Variants in DACH1 observed in about 807,000 individuals in gnomAD.
The protein encoded by DACH1 is dachshund family transcription factor 1.
Under a neutral mutation model 54.2 loss-of-function variants are expected in DACH1, and 12 were observed. That is an observed-to-expected ratio of 0.22 (90% CI 0.14 to 0.36). The LOEUF (loss-of-function observed/expected upper bound fraction) is 0.36, where lower values mean the gene tolerates loss of function less well. Among genes scored for constraint, DACH1 ranks in the 10% least tolerant of loss-of-function variants. The pLI, the probability that DACH1 is intolerant of heterozygous loss-of-function variation, is 1.00. For missense variants in DACH1, 805 were observed against 929.8 expected (o/e 0.87, Z 1.75); for synonymous variants, 386 against 366.2 (o/e 1.05, Z -0.62).
intron 3 of DACH1, among the ~76,000 whole-genome samples, chr13:71,628,798 C>A (rs922481338): frequency 2.0e-5 from 3 of 151,962 alleles, no homozygotes; most frequent in Admixed American, 2.0e-4. Context: ...TAATTATGAA[C>A]CATGTTCTCT....
intron 1 of DACH1, among the ~76,000 whole-genome samples, chr13:71,760,625 C>A (rs1885365844): frequency 6.6e-6 from 1 of 152,192 alleles, no homozygotes; most frequent in Non-Finnish European, 1.5e-5. Context: ...AAGGAAAGGA[C>A]ACAGCCTTGT....
At chr13:71,505,715 T>C (rs1029936114) in intron 6 of DACH1, among the ~76,000 whole-genome samples, 1 of 152,192 alleles carries the variant, frequency 6.6e-6, no homozygotes, top group African/African-American at 2.4e-5. Flanking sequence ...ATAAGTTATC[T>C]TTCATTACTT....
At chr13:71,490,000 A>G (rs1278600831) in intron 6 of DACH1, among the ~76,000 whole-genome samples, 1 of 152,080 alleles carries the variant, frequency 6.6e-6, no homozygotes, top group Admixed American at 6.6e-5. Flanking sequence ...TTATTGTTTA[A>G]CCATTTTTAC....
intron 1 of DACH1, among the ~76,000 whole-genome samples, chr13:71,856,780 T>C (rs990665838): frequency 2.0e-5 from 3 of 151,904 alleles, no homozygotes; most frequent in African/African-American, 7.2e-5. Context: ...AGAAAGTAAT[T>C]GATTTCAATT....
intron 3 of DACH1, among the ~76,000 whole-genome samples, chr13:71,605,835 G>A (rs935302934): frequency 4.6e-5 from 7 of 151,840 alleles, no homozygotes; most frequent in South Asian, 2.1e-4. Flanking sequence ...TTCTCACCCC[G>A]TGTAATTGAA....
At chr13:71,741,919 A>G (rs746258792) in intron 1 of DACH1, among the ~76,000 whole-genome samples, 8 of 152,264 alleles carry the variant, frequency 5.3e-5, no homozygotes, top group Non-Finnish European at 7.4e-5. Flanking sequence ...AAAAAGAGAG[A>G]TAATACAGAC....
intron 1 of DACH1, among the ~76,000 whole-genome samples, chr13:71,767,433 T>C (rs1885684576): frequency 6.6e-6 from 1 of 152,048 alleles, no homozygotes; most frequent in Admixed American, 6.6e-5. Flanking sequence ...CATGGTGAAT[T>C]GCTTTGGGGA....
At position 71,616,445 on chromosome 13, in the gene DACH1, T is replaced by C. The variant is rs991260435; in HGVS notation, c.1126+14111A>G. Among the ~76,000 whole-genome samples, 8 of 152,316 alleles carry C rather than the reference T, an allele frequency of 5.3e-5. No individual in the cohort carries two copies. The South Asian group carries it at 6.2e-4, about 12-fold the overall frequency. Reference sequence around the variant, plus strand: ...GCAGGAGTTTTTGCTTATTTTGTTTTTCTCTAAATGAGAAAAGAAGATCAG... The same window carrying C: ...GCAGGAGTTTTTGCTTATTTTGTTTCTCTCTAAATGAGAAAAGAAGATCAG... On this transcript the variant is annotated intron_variant, in intron 3 of 10. Transcript: ENST00000613252.
In DACH1 at chr13:71,528,497, G is replaced by A. The variant is rs1269807995; in HGVS notation, c.1570+28527C>T. ...GGCTGGAGTGCAGTGGCGTGATTTC[G>A]GCTCACTTCAAGCTCCGCCTCCCGG... On this transcript the variant is annotated intron_variant, in intron 6 of 10. Transcript: ENST00000613252. 9.7e-5 allele frequency among the ~76,000 whole-genome samples: 13 copies of A among 133,354 alleles called. No homozygotes were observed. In the East Asian group the frequency reaches 2.7e-3, roughly 27 times the overall value. 87.5% of individuals were successfully genotyped at this position (133,354 alleles called of 152,430 possible). A position where few individuals can be genotyped will look rare whatever the true frequency, so the allele number is the denominator to read the frequency against.
At chr13:71,793,459 T>C (rs1206459216) in intron 1 of DACH1, among the ~76,000 whole-genome samples, 1 of 152,238 alleles carries the variant, frequency 6.6e-6, no homozygotes, top group Non-Finnish European at 1.5e-5. Flanking sequence ...TTGCTATAGA[T>C]TGAAGACAAA....
At chr13:71,467,067 G>A (rs1015756349) in intron 10 of DACH1, among the ~76,000 whole-genome samples, 1 of 143,750 alleles carries the variant, frequency 7.0e-6, no homozygotes, top group South Asian at 2.4e-4. Flanking sequence ...TAATTATAAT[G>A]AGTTACATTC....
intron 1 of DACH1, among the ~76,000 whole-genome samples, chr13:71,795,856 T>C (rs1356214603): frequency 6.6e-6 from 1 of 152,212 alleles, no homozygotes; most frequent in Non-Finnish European, 1.5e-5. Flanking sequence ...TGTACATAGC[T>C]TGGCGTGGTA....
Position 71,735,262 on chromosome 13 carries a change from T to TACGGG in DACH1, c.849-53353_849-53352insCCCGT, listed in dbSNP as rs1341713881. 5.0e-4 allele frequency among the ~76,000 whole-genome samples: 26 copies of TACGGG among 51,530 alleles called. 5 individuals carry two copies. Among genetic ancestry groups the TACGGG allele is most frequent in the African/African-American group, 8.2e-4 (24 of 29,296 alleles). The allele number at this position is 51,530 out of a possible 152,430, so 33.8% of individuals were successfully genotyped here. A position where few individuals can be genotyped will look rare whatever the true frequency, so the allele number is the denominator to read the frequency against. On this transcript the variant is annotated intron_variant, in intron 1 of 10. Transcript: ENST00000613252. ...TACACGTATATGGGATATACGTGTA[T>TACGGG]ATGGGATACACGTATGTATATGGGA...
rs143403757 is a variant in DACH1, at chr13:71,813,074, T to C, written c.848+52848A>G. Among the ~76,000 whole-genome samples, 609 of 152,318 alleles carry C rather than the reference T, an allele frequency of 4.0e-3. 3 individuals are homozygous for C. Among genetic ancestry groups the C allele is most frequent in the African/African-American group, 0.014 (589 of 41,584 alleles). The stretch of plus-strand genomic sequence containing the variant: ...TGATATGTCTAGCATCTTAAACATA[T>C]TAACAATGGTCTAACAAATATAATG... On this transcript the variant is annotated intron_variant, in intron 1 of 10. Transcript: ENST00000613252.
intron 6 of DACH1, among the ~76,000 whole-genome samples, chr13:71,527,074 T>G (rs1882021427): frequency 6.6e-6 from 1 of 151,976 alleles, no homozygotes; most frequent in East Asian, 1.9e-4. Flanking sequence ...TAAATTTTCA[T>G]GTGTATTTAA....
At chr13:71,469,750 T>C (rs1876904987) in intron 10 of DACH1, among the ~76,000 whole-genome samples, 1 of 152,204 alleles carries the variant, frequency 6.6e-6, no homozygotes, top group African/African-American at 2.4e-5. Context: ...AATTTTAAAA[T>C]TCAGCATGTA....
At chr13:71,558,455 T>C (rs1159752083) in intron 5 of DACH1, among the ~76,000 whole-genome samples, 4 of 151,960 alleles carry the variant, frequency 2.6e-5, no homozygotes, top group Non-Finnish European at 5.9e-5. Flanking sequence ...ATATTACCAT[T>C]ACTAAAATAA....
intron 1 of DACH1, among the ~76,000 whole-genome samples, chr13:71,732,583 C>CT (rs200552212): frequency 2.4e-4 from 29 of 120,514 alleles, no homozygotes; most frequent in African/African-American, 1.0e-3. Flanking sequence ...GAGACTATTT[C>CT]TAAAAAAAAA....
intron 2 of DACH1, among the ~76,000 whole-genome samples, chr13:71,654,595 A>G (rs1193641298): frequency 1.3e-5 from 2 of 152,008 alleles, no homozygotes; most frequent in Non-Finnish European, 2.9e-5. Context: ...CTACTGTACT[A>G]TAAGTGGGCC....
Sources: gnomAD v4.1 joint callset for allele counts (sites outside exome capture counted in the v4.1 genomes callset) on GRCh38, gnomAD v4.1.1 for gene constraint, MANE v1.5 for transcripts, NCBI Gene and HGNC (gene_info 2026-07-23, HGNC 2026-07-21) for gene names.